The following ZMYND8 variants were observed in gnomAD, a reference collection of about 807,000 sequenced individuals.
The protein encoded by ZMYND8 is zinc finger MYND-type containing 8.
A neutral mutation model predicts 140.8 loss-of-function variants in ZMYND8; 37 were observed. The ratio of observed to expected loss-of-function variants is 0.26; its 90% CI spans 0.20 to 0.35. The LOEUF is 0.35. Ranked by LOEUF, ZMYND8 falls within the 10% of genes least tolerant of loss-of-function variation. The pLI is 1.00. For missense variants in ZMYND8, 1,068 were observed against 1,570.0 expected (o/e 0.68, Z 5.40); for synonymous variants, 592 against 597.1 (o/e 0.99, Z 0.12).
At chr20:47,230,972 G>A (rs141298085) in intron 16 of ZMYND8, among the ~76,000 whole-genome samples, 5 of 152,256 alleles carry the variant, frequency 3.3e-5, no homozygotes, top group African/African-American at 2.4e-5. Context: ...TCGCGCATCC[G>A]TGCTGCAGCA....
At chr20:47,338,358 A>G (rs970179407) in intron 2 of ZMYND8, among the ~76,000 whole-genome samples, 1 of 152,020 alleles carries the variant, frequency 6.6e-6, no homozygotes, top group Non-Finnish European at 1.5e-5. Context: ...CTCAGAACCG[A>G]AGGACCCTGA....
Position 47,298,120 on chromosome 20 carries a change from G to T in ZMYND8, c.453+609C>A. The T allele has an allele frequency of 3.0e-6, 1 of 335,330 alleles. No homozygotes were observed. Among genetic ancestry groups the T allele is most frequent in the Non-Finnish European group, 4.2e-6 (1 of 235,770 alleles). The allele number at this position is 335,330 out of a possible 1,614,324, so 20.8% of individuals were successfully genotyped here. A position where few individuals can be genotyped will look rare whatever the true frequency, so the allele number is the denominator to read the frequency against. ...CCATCCTGAATTTGTTTTCTTCACA[G>T]CACTTTTCTTTTAATTCATTATATG... is the stretch of plus-strand genomic sequence containing the variant. On this transcript the variant is annotated intron_variant, in intron 4 of 22. Transcript: ENST00000471951. The surrounding 1 kb of genome is among the most constrained non-coding windows in gnomAD (Gnocchi z 5.0).
intron 10 of ZMYND8, among the ~76,000 whole-genome samples, chr20:47,277,297 G>A (rs2076312865): frequency 6.6e-6 from 1 of 152,248 alleles, no homozygotes; most frequent in Non-Finnish European, 1.5e-5. Flanking sequence ...GAGCCCATTC[G>A]CCTCCAGGCG....
At position 47,275,317 on chromosome 20, in the gene ZMYND8, C is replaced by A. The variant is rs544802824; in HGVS notation, c.1480+997G>T. Among the ~76,000 whole-genome samples, 13 of 152,132 alleles carry A rather than the reference C, an allele frequency of 8.5e-5. No individual in the cohort carries two copies. In the East Asian group the frequency reaches 2.5e-3, roughly 29 times the overall value. ...GACCAGCCAGGCCAACATGGTGAAA[C>A]CCTGTCTCTACTAAAAATACAAAAA... On this transcript the variant is annotated intron_variant, in intron 11 of 22. Transcript: ENST00000471951.
At chr20:47,262,561 A>G in intron 11 of ZMYND8, 133 bp from the exon 12 acceptor site, 1 of 1,253,996 alleles carries the variant, frequency 8.0e-7, no homozygotes, top group Non-Finnish European at 1.1e-6. Flanking sequence ...AGTATCACGA[A>G]TGGGGTGGGG....
chr20:47,212,924 C>T (rs2035495141), intron 21 of ZMYND8, among the ~76,000 whole-genome samples, 199 bp from the exon 22 acceptor site: 1 of 152,166 alleles, frequency 6.6e-6, no homozygotes, highest in South Asian at 2.1e-4. Flanking sequence ...AAACCACAAA[C>T]AGCATCACTG....
chr20:47,335,756 T>TTGCACAGACACTGCCGC (rs1249607450), intron 2 of ZMYND8, among the ~76,000 whole-genome samples: 1 of 152,138 alleles, frequency 6.6e-6, no homozygotes, highest in African/African-American at 2.4e-5. Context: ...CAAAGCTAAA[T>TTGCACAGACACTGCCGC]TGCACAGACA....
Position 47,222,912 on chromosome 20 carries a change from A to G in ZMYND8, c.3256+1405T>C, listed in dbSNP as rs1397220715. On this transcript the variant is annotated intron_variant, in intron 19 of 22. Coordinates refer to ENST00000471951, the MANE Select transcript of ZMYND8 (RefSeq NM_001281775.3). Reference sequence around the variant, plus strand: ...ATATCATCTATGTCCATCCATTTACATATCATCTAAGACTGCTTCTGCACT... The same window carrying G: ...ATATCATCTATGTCCATCCATTTACGTATCATCTAAGACTGCTTCTGCACT... Among the ~76,000 whole-genome samples, 6 of 152,236 alleles carry G rather than the reference A, an allele frequency of 3.9e-5. No individual in the cohort carries two copies. In the East Asian group the frequency reaches 1.2e-3, roughly 29 times the overall value.
In ZMYND8 at chr20:47,276,711, A is replaced by G. The variant is rs1260035898; in HGVS notation, c.1083T>C (p.Ser361=). Residue 361 remains serine, a synonymous_variant, in exon 11 of 23, where the codon AGT becomes AGC. Coordinates refer to ENST00000471951, the MANE Select transcript of ZMYND8 (RefSeq NM_001281775.3). ...CGTAAACCTCCATCTCTTGCATGGC[A>G]CTGTTGAAGATGCTCTTAGTCTTTT... ...SVKKTKSIFN[S]AMQEMEVYVE... The G allele has an allele frequency of 6.2e-7, 1 of 1,613,978 alleles. No homozygotes were observed. Among genetic ancestry groups the G allele is most frequent in the Non-Finnish European group, 8.5e-7 (1 of 1,179,986 alleles).
intron 12 of ZMYND8, among the ~76,000 whole-genome samples, chr20:47,250,389 T>C (rs1239523957): frequency 6.6e-6 from 1 of 152,038 alleles, no homozygotes; most frequent in East Asian, 1.9e-4. Flanking sequence ...TGGCATCCCC[T>C]CCAACCCACC....
chr20:47,304,109 T>C (rs372270629), intron 3 of ZMYND8, among the ~76,000 whole-genome samples: 1 of 152,270 alleles, frequency 6.6e-6, no homozygotes, highest in South Asian at 2.1e-4. Context: ...CCTACATGTA[T>C]AATGTGTGTT....
At chr20:47,335,665 GAAT>G (rs1293411821) in intron 2 of ZMYND8, among the ~76,000 whole-genome samples, 2 of 152,178 alleles carry the variant, frequency 1.3e-5, no homozygotes, top group Middle Eastern at 3.2e-3. Flanking sequence ...CAGTCTTCTA[GAAT>G]AATAATAGTC....
At chr20:47,321,522 A>C (rs1319939966) in intron 2 of ZMYND8, among the ~76,000 whole-genome samples, 1 of 152,238 alleles carries the variant, frequency 6.6e-6, no homozygotes, top group East Asian at 1.9e-4. Context: ...TGGTAGAAAG[A>C]AACTTCAGTG....
intron 14 of ZMYND8, among the ~76,000 whole-genome samples, chr20:47,241,281 C>T (rs372150457): frequency 2.8e-4 from 35 of 124,402 alleles, no homozygotes; most frequent in African/African-American, 1.1e-3. Flanking sequence ...GGTGACAGGG[C>T]GAGACTCCGT....
intron 11 of ZMYND8, among the ~76,000 whole-genome samples, chr20:47,272,617 T>C (rs1033590231): frequency 6.6e-6 from 1 of 152,180 alleles, no homozygotes; most frequent in Non-Finnish European, 1.5e-5. Flanking sequence ...GCTAGCAAGA[T>C]TATAGGACAC....
chr20:47,339,909 G>A (rs962315976), intron 2 of ZMYND8, among the ~76,000 whole-genome samples: 1 of 151,928 alleles, frequency 6.6e-6, no homozygotes, highest in Non-Finnish European at 1.5e-5. Context: ...AAGGGGGCAA[G>A]ACAGAACCAG....
At chr20:47,356,407 AACAC>A in intron 1 of ZMYND8, 1 of 1,535,114 alleles carries the variant, frequency 6.5e-7, no homozygotes, top group East Asian at 2.4e-5. Context: ...CTCTTCCAGA[AACAC>A]CATGCCCTGG....
At position 47,298,145 on chromosome 20, in the gene ZMYND8, G is replaced by T; in HGVS notation, c.453+584C>A. The stretch of plus-strand genomic sequence containing the variant: ...GCACTTTTCTTTTAATTCATTATAT[G>T]GAACTTTATTTATTTTGGTTTTTGT... On this transcript the variant is annotated intron_variant, in intron 4 of 22. Coordinates refer to ENST00000471951, the MANE Select transcript of ZMYND8 (RefSeq NM_001281775.3). The surrounding 1 kb of genome is among the most constrained non-coding windows in gnomAD (Gnocchi z 5.0). 2.1e-6 allele frequency: 1 copy of T among 480,216 alleles called. No individual in the cohort carries two copies. Among genetic ancestry groups the T allele is most frequent in the Non-Finnish European group, 2.7e-6 (1 of 368,540 alleles). 29.7% of individuals were successfully genotyped at this position (480,216 alleles called of 1,614,324 possible).
intron 2 of ZMYND8, among the ~76,000 whole-genome samples, chr20:47,343,695 C>T (rs1344889927): frequency 6.6e-6 from 1 of 152,146 alleles, no homozygotes; most frequent in African/African-American, 2.4e-5. Flanking sequence ...TGGGATTTTG[C>T]CACGTTGGCC....
Sources: gnomAD v4.1 joint callset for allele counts (sites outside exome capture counted in the v4.1 genomes callset) on GRCh38, gnomAD v4.1.1 for gene constraint, Gnocchi (gnomAD v3.1) non-coding constraint, MANE v1.5 for transcripts, NCBI Gene and HGNC (gene_info 2026-07-23, HGNC 2026-07-21) for gene names.